Variants in EN2 observed in about 807,000 individuals in gnomAD.
EN2 encodes the protein engrailed homeobox 2.
A neutral mutation model predicts 25.0 loss-of-function variants in EN2; 7 were observed. The ratio of observed to expected loss-of-function variants is 0.28; its 90% CI spans 0.16 to 0.53. The LOEUF (loss-of-function observed/expected upper bound fraction) is 0.53, where lower values mean the gene tolerates loss of function less well. Among genes scored for constraint, EN2 ranks in the 20% least tolerant of loss-of-function variants. EN2 has a pLI of 0.96. For missense variants in EN2, 524 were observed against 501.8 expected (o/e 1.04, Z -0.42); for synonymous variants, 277 against 243.3 (o/e 1.14, Z -1.29).
Position 155,459,018 on chromosome 7 carries a change from C to T in EN2, c.641C>T (p.Pro214Leu), listed in dbSNP as rs1375342132. ...ANLGAQPMLW[P>L]AWVYCTRYSD... ...CTGGGCGCGCAGCCCATGCTCTGGCCGGCGTGGGTCTACTGTACGCGCTAC... is the reference window on the plus strand; with the variant it reads ...CTGGGCGCGCAGCCCATGCTCTGGCTGGCGTGGGTCTACTGTACGCGCTAC... Residue 214 changes from proline to leucine, a missense_variant, in exon 1 of 2, where the codon CCG (proline) becomes CTG (leucine). Pro to Leu is a moderately conservative substitution (Grantham distance 98, BLOSUM62 -3). Transcript: ENST00000297375. The T allele has an allele frequency of 1.9e-6, 3 of 1,576,466 alleles. No individual in the cohort carries two copies. Among genetic ancestry groups the T allele is most frequent in the Non-Finnish European group, 2.6e-6 (3 of 1,170,408 alleles).
rs981734129 is a variant in EN2, at chr7:155,458,441, G to A, written c.64G>A (p.Glu22Lys). 1 of 1,303,332 alleles carries A rather than the reference G, an allele frequency of 7.7e-7. No individual in the cohort carries two copies. The highest frequency in any genetic ancestry group is 3.1e-5 in the East Asian group (1 of 32,174). The allele number at this position is 1,303,332 out of a possible 1,614,324, so 80.7% of individuals were successfully genotyped here. The change falls in exon 1 of 2, where the codon GAA becomes AAA. Residue 22 changes from glutamate to lysine, a missense_variant. By Grantham distance (56) the Glu-to-Lys change is moderately conservative (BLOSUM62 1). Coordinates refer to ENST00000297375, the MANE Select transcript of EN2 (RefSeq NM_001427.4). ...AAAVEGQRQPESSPGGGSGGG... is the reference protein window; with the variant it reads ...AAAVEGQRQPKSSPGGGSGGG... ...GGCGGTGGAGGGACAGCGGCAGCCG[G>A]AATCCAGCCCCGGCGGCGGCTCGGG... is the stretch of plus-strand genomic sequence containing the variant.
rs557455695 is a variant in EN2, at chr7:155,460,722, C to G, written c.686-1649C>G. ...TGGAGCCTTGTGCCCCATCCCCCAC[C>G]ACCGTTCCGGAGGGCCAACCCCATC... On this transcript the variant is annotated intron_variant, in intron 1 of 1. Coordinates refer to ENST00000297375, the MANE Select transcript of EN2 (RefSeq NM_001427.4). Among the ~76,000 whole-genome samples, 11 of 152,244 alleles carry G rather than the reference C, an allele frequency of 7.2e-5. No individual in the cohort carries two copies. The East Asian group carries it at 2.1e-3, about 30-fold the overall frequency.
intron 1 of EN2, among the ~76,000 whole-genome samples, chr7:155,461,986 C>G (rs558172337): frequency 6.6e-6 from 1 of 152,226 alleles, no homozygotes; most frequent in East Asian, 1.9e-4. Context: ...CTCCTCCCCT[C>G]TCTCTCAGCA....
At position 155,458,891 on chromosome 7, in the gene EN2, G is replaced by A; in HGVS notation, c.514G>A (p.Asp172Asn). 2 of 1,496,036 alleles carry A rather than the reference G, an allele frequency of 1.3e-6. No individual in the cohort carries two copies. The highest frequency in any genetic ancestry group is 1.8e-6 in the Non-Finnish European group (2 of 1,130,680). 92.7% of individuals were successfully genotyped at this position (1,496,036 alleles called of 1,614,324 possible). ...SLHGGAKKGGDPGGPLDGSLK... is the reference protein window; with the variant it reads ...SLHGGAKKGGNPGGPLDGSLK... ...GCACGGTGGCGCCAAGAAAGGCGGC[G>A]ACCCCGGCGGCCCCCTGGACGGGTC... The change falls in exon 1 of 2, where the codon GAC becomes AAC. Residue 172 changes from aspartate (D) to asparagine (N), a missense_variant. Physicochemically the swap from Asp to Asn is conservative, Grantham distance 23 (BLOSUM62 1). Coordinates refer to ENST00000297375, the MANE Select transcript of EN2 (RefSeq NM_001427.4).
rs1795727926 is a variant in EN2, at chr7:155,463,858, C to T, written c.*1171C>T. 6.6e-6 allele frequency: 1 copy of T among 152,208 alleles called. No individual in the cohort carries two copies. The highest frequency in any genetic ancestry group is 6.5e-5 in the Admixed American group (1 of 15,276). The allele number at this position is 152,208 out of a possible 1,614,324, so 9.4% of individuals were successfully genotyped here. A position where few individuals can be genotyped will look rare whatever the true frequency, so the allele number is the denominator to read the frequency against. ...GAGGGAGATGGCATCATCTATCTTC[C>T]TTTCCTTTTTCTTTTCTTCCCTATT... On this transcript the variant is annotated 3_prime_UTR_variant, in exon 2 of 2. Transcript: ENST00000297375.
rs1280478746 is a variant in EN2 at position 155,459,003 on chromosome 7, A to G, written c.626A>G (p.Gln209Arg). The change falls in exon 1 of 2, where the codon CAG becomes CGG. Residue 209 changes from glutamine to arginine, a missense_variant. By Grantham distance (43) the Gln-to-Arg change is conservative. Coordinates refer to ENST00000297375, the MANE Select transcript of EN2 (RefSeq NM_001427.4). Reference protein sequence around the residue: ...SSQAGANLGAQPMLWPAWVYC... With the variant: ...SSQAGANLGARPMLWPAWVYC... ...CAAGCCGGCGCCAACCTGGGCGCGC[A>G]GCCCATGCTCTGGCCGGCGTGGGTC... The G allele has an allele frequency of 6.4e-7, 1 of 1,567,708 alleles. No homozygotes were observed. The highest frequency in any genetic ancestry group is 8.6e-7 in the Non-Finnish European group (1 of 1,166,832).
chr7:155,458,456 G>A lies in EN2; in HGVS notation c.79G>A (p.Gly27Ser). The change falls in exon 1 of 2, where the codon GGC (glycine) becomes AGC (serine). Residue 27 changes from glycine (G) to serine (S), a missense_variant. Physicochemically the swap from Gly to Ser is moderately conservative, Grantham distance 56 (BLOSUM62 0). Transcript: ENST00000297375. ...GQRQPESSPG[G>S]GSGGGGGSSP... ...GCGGCAGCCGGAATCCAGCCCCGGC[G>A]GCGGCTCGGGCGGCGGCGGCGGTAG... 1 of 1,303,302 alleles carries A rather than the reference G, an allele frequency of 7.7e-7. No homozygotes were observed. The highest frequency in any genetic ancestry group is 9.8e-7 in the Non-Finnish European group (1 of 1,025,478). 80.7% of individuals were successfully genotyped at this position (1,303,302 alleles called of 1,614,324 possible).
intron 1 of EN2, among the ~76,000 whole-genome samples, chr7:155,461,576 G>C (rs1301995406): frequency 6.6e-6 from 1 of 152,316 alleles, no homozygotes; most frequent in South Asian, 2.1e-4. Flanking sequence ...CTACCCTGCT[G>C]CCCACAGTGA....
Position 155,458,617 on chromosome 7 carries a change from C to G in EN2, c.240C>G (p.Gly80=). Residue 80 remains glycine (G), a synonymous_variant, in exon 1 of 2, where the codon GGC becomes GGG. Transcript: ENST00000297375. The stretch of plus-strand genomic sequence containing the variant: ...ACAACATCCTGCGGCCCGAGTTCGG[C>G]CGGCGAAAGGACGCGGGGACCTGCT... ...FIDNILRPEF[G]RRKDAGTCCA... 6.8e-7 allele frequency: 1 copy of G among 1,464,776 alleles called. No homozygotes were observed. Among genetic ancestry groups the G allele is most frequent in the Non-Finnish European group, 9.0e-7 (1 of 1,106,242 alleles). 90.7% of individuals were successfully genotyped at this position (1,464,776 alleles called of 1,614,324 possible). A position where few individuals can be genotyped will look rare whatever the true frequency, so the allele number is the denominator to read the frequency against.
In EN2 at chr7:155,458,680, C is replaced by T; in HGVS notation, c.303C>T (p.Gly101=). The part of the protein sequence containing the change: ...GAGGGRGGGA[G]GEGGASGAEG... ...GAGGAGGAAGGGGCGGCGGAGCCGG[C>T]GGCGAAGGCGGCGCGAGCGGTGCGG... The change falls in exon 1 of 2, where the codon GGC becomes GGT. Residue 101 remains glycine, a synonymous_variant. Transcript: ENST00000297375. 2 of 1,343,606 alleles carry T rather than the reference C, an allele frequency of 1.5e-6. No individual in the cohort carries two copies. Among genetic ancestry groups the T allele is most frequent in the Non-Finnish European group, 1.9e-6 (2 of 1,053,942 alleles). The allele number at this position is 1,343,606 out of a possible 1,614,324, so 83.2% of individuals were successfully genotyped here.
rs1393733170 is a variant in EN2, at chr7:155,464,024, C to T, written c.*1337C>T. 1 of 147,982 alleles carries T rather than the reference C, an allele frequency of 6.8e-6. No homozygotes were observed. The highest frequency in any genetic ancestry group is 2.2e-4 in the South Asian group (1 of 4,630). The allele number at this position is 147,982 out of a possible 1,614,324, so 9.2% of individuals were successfully genotyped here. ...CACACACACACACACACACACCAGGCGTGTTTGAGTCCACAGTTCTGAAAC... is the reference window on the plus strand; with the variant it reads ...CACACACACACACACACACACCAGGTGTGTTTGAGTCCACAGTTCTGAAAC... On this transcript the variant is annotated 3_prime_UTR_variant, in exon 2 of 2. Transcript: ENST00000297375.
chr7:155,458,317 G>A lies in EN2; in HGVS notation c.-61G>A. 2 of 1,264,394 alleles carry A rather than the reference G, an allele frequency of 1.6e-6. No homozygotes were observed. The highest frequency in any genetic ancestry group is 3.9e-5 in the South Asian group (1 of 25,888). 78.3% of individuals were successfully genotyped at this position (1,264,394 alleles called of 1,614,324 possible). ...GGGTCTCCGTGTGCGCCGCGGGAGG[G>A]CCGAAGGCTGATTTGGAAGGGCGTC... On this transcript the variant is annotated 5_prime_UTR_variant, in exon 1 of 2. Transcript: ENST00000297375.
intron 1 of EN2, among the ~76,000 whole-genome samples, chr7:155,460,803 C>T (rs3824068): frequency 0.34 from 52,365 of 152,122 alleles, 9,591 homozygotes; most frequent in East Asian, 0.64. Flanking sequence ...GAGCCCTGGG[C>T]GTGAGCAAGA....
chr7:155,464,298 TG>T lies in EN2; in HGVS notation c.*1612del, dbSNP rs1795734187. 11 of 152,446 alleles carry T rather than the reference TG, an allele frequency of 7.2e-5. No individual in the cohort carries two copies. The highest frequency in any genetic ancestry group is 7.2e-4 in the Admixed American group (11 of 15,288). 9.4% of individuals were successfully genotyped at this position (152,446 alleles called of 1,614,324 possible). A position where few individuals can be genotyped will look rare whatever the true frequency, so the allele number is the denominator to read the frequency against. On this transcript the variant is annotated 3_prime_UTR_variant, in exon 2 of 2. Coordinates refer to ENST00000297375, the MANE Select transcript of EN2 (RefSeq NM_001427.4). ...TAACGCCACACTGTCTTCTGTTTAG[TG>T]TATGGGGAAAGACCAATCCAACTGT...
intron 1 of EN2, among the ~76,000 whole-genome samples, chr7:155,461,214 T>C (rs961465714): frequency 4.6e-5 from 7 of 152,086 alleles, no homozygotes; most frequent in African/African-American, 1.7e-4. Flanking sequence ...GGACCTGTGA[T>C]GAAGCTGGGG....
chr7:155,460,708 G>C (rs1195215493), intron 1 of EN2, among the ~76,000 whole-genome samples: 1 of 152,034 alleles, frequency 6.6e-6, no homozygotes, highest in African/African-American at 2.4e-5. Context: ...GGAGCCTTGT[G>C]CCCCATCCCC....
At chr7:155,461,350 T>C (rs1563075549) in intron 1 of EN2, among the ~76,000 whole-genome samples, 2 of 152,206 alleles carry the variant, frequency 1.3e-5, no homozygotes, top group Non-Finnish European at 2.9e-5. Flanking sequence ...TTGAGCCTCT[T>C]ATCACCAAAA....
Position 155,458,566 on chromosome 7 carries a change from G to C in EN2, c.189G>C (p.Pro63=). ...VLQAPGNHQH[P]HRITNFFIDN... ...AGGCGCCCGGCAACCACCAGCACCC[G>C]CACCGCATCACCAACTTCTTCATCG... is the stretch of plus-strand genomic sequence containing the variant. The change falls in exon 1 of 2, where the codon CCG becomes CCC. Residue 63 remains proline, a synonymous_variant. Coordinates refer to ENST00000297375, the MANE Select transcript of EN2 (RefSeq NM_001427.4). 2 of 1,466,156 alleles carry C rather than the reference G, an allele frequency of 1.4e-6. No homozygotes were observed. Among genetic ancestry groups the C allele is most frequent in the Non-Finnish European group, 1.8e-6 (2 of 1,106,012 alleles). 90.8% of individuals were successfully genotyped at this position (1,466,156 alleles called of 1,614,324 possible).
chr7:155,458,671 C>A lies in EN2; in HGVS notation c.294C>A (p.Gly98=). ...CCAGAGGGRG[G]GAGGEGGASG... ...CGGGCGCGGGAGGAGGAAGGGGCGG[C>A]GGAGCCGGCGGCGAAGGCGGCGCGA... is the stretch of plus-strand genomic sequence containing the variant. The change falls in exon 1 of 2, where the codon GGC becomes GGA. Residue 98 remains glycine (G), a synonymous_variant. Coordinates refer to ENST00000297375, the MANE Select transcript of EN2 (RefSeq NM_001427.4). 7.4e-7 allele frequency: 1 copy of A among 1,359,630 alleles called. No individual in the cohort carries two copies. The highest frequency in any genetic ancestry group is 9.4e-7 in the Non-Finnish European group (1 of 1,060,696). 84.2% of individuals were successfully genotyped at this position (1,359,630 alleles called of 1,614,324 possible).
Sources: gnomAD v4.1 joint callset for allele counts (sites outside exome capture counted in the v4.1 genomes callset) on GRCh38, gnomAD v4.1.1 for gene constraint, MANE v1.5 for transcripts, NCBI Gene and HGNC (gene_info 2026-07-23, HGNC 2026-07-21) for gene names.